The following SCAPER variants were observed in gnomAD, a reference collection of about 807,000 sequenced individuals.
The protein encoded by SCAPER is S phase cyclin A-associated protein in the endoplasmic reticulum.
A neutral mutation model predicts 182.2 loss-of-function variants in SCAPER; 98 were observed. That is an observed-to-expected ratio of 0.54 (90% CI 0.46 to 0.64). The LOEUF (loss-of-function observed/expected upper bound fraction) is 0.64. SCAPER is among the 30% of genes least tolerant of loss of function. The pLI, the probability that SCAPER is intolerant of heterozygous loss-of-function variation, is 0.00. For missense variants in SCAPER, 1,432 were observed against 1,690.0 expected, an observed-to-expected ratio of 0.85 and a Z score of 2.68; for synonymous variants, 605 against 564.6, an observed-to-expected ratio of 1.07 and a Z score of -1.01.
intron 23 of SCAPER, among the ~76,000 whole-genome samples, chr15:76,559,201 ATTTTTTTTTTTT>A (rs58642207): frequency 2.5e-5 from 3 of 121,818 alleles, no homozygotes; most frequent in South Asian, 5.5e-4. Flanking sequence ...CACCCAGCTA[ATTTTTTTTTTTT>A]TTTTTTTTTT....
chr15:76,584,911 T>C (rs533899188), intron 22 of SCAPER, among the ~76,000 whole-genome samples: 3 of 152,246 alleles, frequency 2.0e-5, no homozygotes, highest in African/African-American at 4.8e-5. Context: ...TACAATTTCA[T>C]CTAAAAATTT....
At chr15:76,480,198 A>G (rs1332114531) in intron 24 of SCAPER, among the ~76,000 whole-genome samples, 1 of 152,258 alleles carries the variant, frequency 6.6e-6, no homozygotes. Context: ...CAGAGCCCCA[A>G]TGCATATGTA....
intron 15 of SCAPER, 51 bp downstream of exon 15, chr15:76,753,757 C>CA: frequency 6.4e-7 from 1 of 1,567,984 alleles, no homozygotes; most frequent in Non-Finnish European, 8.7e-7. Flanking sequence ...TATAACAATT[C>CA]AAAAAAGTAC....
intron 23 of SCAPER, among the ~76,000 whole-genome samples, chr15:76,564,514 T>C (rs1315976267): frequency 2.6e-5 from 4 of 151,904 alleles, no homozygotes; most frequent in African/African-American, 7.3e-5. Context: ...AAATTAGAGA[T>C]GATAAAAACA....
At chr15:76,894,207 G>A (rs2074306850) in intron 1 of SCAPER, among the ~76,000 whole-genome samples, 1 of 151,952 alleles carries the variant, frequency 6.6e-6, no homozygotes, top group Admixed American at 6.6e-5. Context: ...AGCTGAGATG[G>A]TGCCACTGCA....
chr15:76,591,979 G>A (rs1322498560), intron 22 of SCAPER, among the ~76,000 whole-genome samples: 2 of 152,178 alleles, frequency 1.3e-5, no homozygotes, highest in Admixed American at 1.3e-4. Context: ...CAGACTGCCT[G>A]AGCCTGGTAG....
At chr15:76,560,295 A>G (rs1287167775) in intron 23 of SCAPER, among the ~76,000 whole-genome samples, 12 of 152,218 alleles carry the variant, frequency 7.9e-5, no homozygotes, top group Admixed American at 7.9e-4. Flanking sequence ...TACAAAGGTT[A>G]ATAAAACCTT....
Position 76,757,756 on chromosome 15 carries a change from C to A in SCAPER, c.1726-3808G>T, listed in dbSNP as rs118164497. On this transcript the variant is annotated intron_variant, in intron 14 of 31. Transcript: ENST00000563290. The stretch of plus-strand genomic sequence containing the variant: ...TACAAGGGTTCCATTTTCTCCACAT[C>A]CTCCCCAATACTTGCCTCTTGTCAT... 8.0e-4 allele frequency among the ~76,000 whole-genome samples: 122 copies of A among 152,280 alleles called. 2 individuals carry two copies. The East Asian group carries it at 0.023, about 28-fold the overall frequency.
At chr15:76,719,092 T>G (rs1174949541) in intron 17 of SCAPER, among the ~76,000 whole-genome samples, 1 of 152,108 alleles carries the variant, frequency 6.6e-6, no homozygotes. Flanking sequence ...ATAAAGATAT[T>G]TGCACTTCCA....
chr15:76,580,179 A>G (rs923835657), intron 22 of SCAPER, among the ~76,000 whole-genome samples: 12 of 152,198 alleles, frequency 7.9e-5, no homozygotes, highest in Non-Finnish European at 1.0e-4. Context: ...TGAACCTACT[A>G]GATATTTACA....
chr15:76,401,115 ATATATG>A lies in SCAPER; in HGVS notation c.3467+3403_3467+3408del, dbSNP rs138713561. Among the ~76,000 whole-genome samples the A allele has an allele frequency of 8.3e-3, 1,264 of 152,148 alleles. 10 individuals carry two copies. Among genetic ancestry groups the A allele is most frequent in the African/African-American group, 0.029 (1,199 of 41,512 alleles). On this transcript the variant is annotated intron_variant, in intron 27 of 31. Coordinates refer to ENST00000563290, the MANE Select transcript of SCAPER (RefSeq NM_020843.4). ...TATCCAAGTAGACCAAAGTTTACAC[ATATATG>A]TATATGTATATGATATGTATATGTA... is the stretch of plus-strand genomic sequence containing the variant.
intron 2 of SCAPER, among the ~76,000 whole-genome samples, chr15:76,871,749 C>T (rs926935358): frequency 6.6e-6 from 1 of 151,800 alleles, no homozygotes; most frequent in South Asian, 2.1e-4. Context: ...CGCCACCATG[C>T]TCGGCTAATT....
At chr15:76,432,643 T>C (rs559187959) in intron 26 of SCAPER, among the ~76,000 whole-genome samples, 33 of 152,208 alleles carry the variant, frequency 2.2e-4, no homozygotes, top group African/African-American at 7.5e-4. Flanking sequence ...TGTTGGGAAA[T>C]AAAAAATTAA....
intron 4 of SCAPER, among the ~76,000 whole-genome samples, chr15:76,848,362 T>C (rs1019705110): frequency 2.1e-5 from 3 of 145,528 alleles, no homozygotes; most frequent in African/African-American, 7.8e-5. Context: ...AGAGTCTCGC[T>C]CTGTCGCCCA....
chr15:76,777,367 C>T (rs2063804087), intron 8 of SCAPER, among the ~76,000 whole-genome samples: 1 of 152,052 alleles, frequency 6.6e-6, no homozygotes, highest in African/African-American at 2.4e-5. Flanking sequence ...TAATAAATGG[C>T]TAAAGAAAGT....
intron 25 of SCAPER, among the ~76,000 whole-genome samples, chr15:76,462,305 A>G (rs1000738883): frequency 2.6e-5 from 4 of 152,272 alleles, no homozygotes; most frequent in African/African-American, 9.6e-5. Flanking sequence ...TTGTTTTCAC[A>G]TACTTTACTC....
chr15:76,762,869 C>A (rs1304079888), intron 14 of SCAPER, among the ~76,000 whole-genome samples: 2 of 152,168 alleles, frequency 1.3e-5, no homozygotes, highest in Non-Finnish European at 2.9e-5. Flanking sequence ...GTCGTCCAGG[C>A]TGGTGTGAGA....
At chr15:76,783,741 T>C (rs2064347843) in intron 8 of SCAPER, among the ~76,000 whole-genome samples, 1 of 151,882 alleles carries the variant, frequency 6.6e-6, no homozygotes, top group South Asian at 2.1e-4. Flanking sequence ...CATACACAAA[T>C]CAATAAATGT....
At chr15:76,700,655 G>C (rs2058892383) in intron 20 of SCAPER, among the ~76,000 whole-genome samples, 1 of 152,144 alleles carries the variant, frequency 6.6e-6, no homozygotes, top group Non-Finnish European at 1.5e-5. Flanking sequence ...GCTGCATCTA[G>C]TCAGCCATCT....
Sources: gnomAD v4.1 joint callset for allele counts (sites outside exome capture counted in the v4.1 genomes callset) on GRCh38, gnomAD v4.1.1 for gene constraint, MANE v1.5 for transcripts, NCBI Gene and HGNC (gene_info 2026-07-23, HGNC 2026-07-21) for gene names.